BTF3L4: variants seen among roughly 807,000 people sequenced by gnomAD.
BTF3L4 encodes transcription factor BTF3 homolog 4.
BTF3L4 carries 6 observed loss-of-function variants against 16.8 expected under a neutral mutation model. The ratio of observed to expected loss-of-function variants is 0.36; its 90% CI spans 0.20 to 0.71. The LOEUF (loss-of-function observed/expected upper bound fraction) is 0.71, where lower values mean the gene tolerates loss of function less well. BTF3L4 is among the 30% of genes least tolerant of loss of function. The pLI, the probability that BTF3L4 is intolerant of heterozygous loss-of-function variation, is 0.58. For synonymous variants in BTF3L4, 39 were observed against 59.8 expected, an observed-to-expected ratio of 0.65 and a Z score of 1.60; for missense variants, 92 against 186.9, an observed-to-expected ratio of 0.49 and a Z score of 2.96.
At chr1:52,066,663 G>A (rs1455451587) in intron 3 of BTF3L4, among the ~76,000 whole-genome samples, 1 of 150,916 alleles carries the variant, frequency 6.6e-6, no homozygotes, top group East Asian at 2.0e-4. Context: ...CTAACACGGT[G>A]AAACCCCGTC....
chr1:52,086,324 T>C (rs967992569), intron 5 of BTF3L4, 153 bp downstream of exon 5: 2 of 539,634 alleles, frequency 3.7e-6, no homozygotes, highest in African/African-American at 3.9e-5. Context: ...AAAAACAACG[T>C]AAGCACCCAC....
intron 2 of BTF3L4, among the ~76,000 whole-genome samples, chr1:52,063,833 G>T (rs1185203023): frequency 6.6e-6 from 1 of 152,132 alleles, no homozygotes; most frequent in East Asian, 1.9e-4. Flanking sequence ...TCTCTTGTGA[G>T]AATCTGACCC....
Position 52,064,836 on chromosome 1 carries a change from C to T in BTF3L4, c.66C>T (p.Arg22=). ...TGGTTATTTTTCAGGGTACAGCTCG[C>T]AGAAAGAAGAAGGTGGTACATAGAA... ...QVRIGGKGTA[R]RKKKVVHRTA... is the part of the protein sequence containing the mutation. The change falls in exon 3 of 6, where the codon CGC becomes CGT. Residue 22 remains arginine (R), a synonymous_variant. Coordinates refer to ENST00000313334, the MANE Select transcript of BTF3L4 (RefSeq NM_152265.5). The T allele has an allele frequency of 6.2e-7, 1 of 1,608,386 alleles. No homozygotes were observed. Among genetic ancestry groups the T allele is most frequent in the Non-Finnish European group, 8.5e-7 (1 of 1,178,156 alleles).
intron 3 of BTF3L4, among the ~76,000 whole-genome samples, chr1:52,065,760 G>A (rs949879360): frequency 7.2e-5 from 11 of 152,034 alleles, no homozygotes; most frequent in African/African-American, 1.9e-4. Flanking sequence ...TTAGTCAGCC[G>A]GGTGCAGTGG....
intron 3 of BTF3L4, among the ~76,000 whole-genome samples, chr1:52,073,847 A>G (rs1686861699): frequency 6.6e-6 from 1 of 151,762 alleles, no homozygotes; most frequent in Non-Finnish European, 1.5e-5. Context: ...AAAATACAAA[A>G]ATTAGCCGGG....
At chr1:52,061,921 C>T (rs371730326) in intron 2 of BTF3L4, among the ~76,000 whole-genome samples, 1 of 150,020 alleles carries the variant, frequency 6.7e-6, no homozygotes, top group African/African-American at 2.5e-5. Context: ...GGATTACAGG[C>T]GTGAGCCACC....
chr1:52,072,887 C>T (rs1447847956), intron 3 of BTF3L4, among the ~76,000 whole-genome samples: 2 of 152,120 alleles, frequency 1.3e-5, no homozygotes, highest in African/African-American at 4.8e-5. Flanking sequence ...GGTGAAACCC[C>T]ATCTCTGCAA....
intron 4 of BTF3L4, 95 bp downstream of exon 4, chr1:52,083,636 T>C: frequency 2.1e-6 from 2 of 968,472 alleles, no homozygotes; most frequent in Non-Finnish European, 3.1e-6. Flanking sequence ...GATTTGCCTG[T>C]ATGTAATTAT....
chr1:52,086,606 G>T, intron 5 of BTF3L4, 106 bp from the exon 6 acceptor site: 1 of 633,320 alleles, frequency 1.6e-6, no homozygotes, highest in South Asian at 2.3e-5. Flanking sequence ...GGCTAATTCT[G>T]GTTGTACTAA....
At chr1:52,071,159 A>AT (rs1224438463) in intron 3 of BTF3L4, 1 of 152,136 alleles carries the variant, frequency 6.6e-6, no homozygotes, top group Non-Finnish European at 1.5e-5. Context: ...GAAACAACAG[A>AT]TTTTTTCCAG....
chr1:52,064,173 T>G (rs1169644697), intron 2 of BTF3L4, among the ~76,000 whole-genome samples: 1 of 152,250 alleles, frequency 6.6e-6, no homozygotes, highest in Non-Finnish European at 1.5e-5. Context: ...TGTTTCATTC[T>G]GCTTTGATCA....
intron 3 of BTF3L4, chr1:52,065,176 C>A: frequency 3.8e-6 from 1 of 260,946 alleles, no homozygotes; most frequent in Non-Finnish European, 7.2e-6. Context: ...GCGTATATGG[C>A]AAAATTATGT....
At chr1:52,056,583 C>T (rs1242634258) in intron 1 of BTF3L4, among the ~76,000 whole-genome samples, 1 of 152,266 alleles carries the variant, frequency 6.6e-6, no homozygotes, top group East Asian at 1.9e-4. Flanking sequence ...GTCCCCAGCA[C>T]CACCGCCCCC....
intron 1 of BTF3L4, 42 bp from the exon 2 acceptor site, chr1:52,059,793 G>A (rs1045148875): frequency 2.8e-5 from 45 of 1,585,772 alleles, no homozygotes; most frequent in Admixed American, 1.7e-4. Context: ...TGTTAATTTC[G>A]GCAAAAGAGT....
At chr1:52,061,513 G>A (rs541585279) in intron 2 of BTF3L4, among the ~76,000 whole-genome samples, 2 of 149,896 alleles carry the variant, frequency 1.3e-5, no homozygotes, top group Admixed American at 1.3e-4. Context: ...AAAAGAAATA[G>A]GTAAGAGGGT....
Position 52,088,088 on chromosome 1 carries a change from T to A in BTF3L4, c.*1330T>A, listed in dbSNP as rs1178736229. On this transcript the variant is annotated 3_prime_UTR_variant, in exon 6 of 6. Transcript: ENST00000313334. Reference sequence around the variant, plus strand: ...TAATAGAAGCTTACTTTTTGCTATATCAGCATTTGTTACAGCCAATATTTA... The same window carrying A: ...TAATAGAAGCTTACTTTTTGCTATAACAGCATTTGTTACAGCCAATATTTA... The A allele has an allele frequency of 6.6e-6, 1 of 152,640 alleles. No individual in the cohort carries two copies. Among genetic ancestry groups the A allele is most frequent in the Non-Finnish European group, 1.5e-5 (1 of 68,030 alleles). 9.5% of individuals were successfully genotyped at this position (152,640 alleles called of 1,614,324 possible).
At chr1:52,081,823 C>A (rs183793175) in intron 3 of BTF3L4, among the ~76,000 whole-genome samples, 359 of 152,280 alleles carry the variant, frequency 2.4e-3, no homozygotes, top group African/African-American at 8.3e-3. Context: ...GGTTTAGTTA[C>A]AATTTTCCAG....
intron 3 of BTF3L4, among the ~76,000 whole-genome samples, chr1:52,067,214 AAATAAT>A (rs1005933512): frequency 5.9e-5 from 9 of 152,240 alleles, no homozygotes; most frequent in Non-Finnish European, 7.3e-5. Context: ...GTCTGAAAAA[AAATAAT>A]AATAATGTGG....
At chr1:52,060,218 G>A (rs1461591862) in intron 2 of BTF3L4, among the ~76,000 whole-genome samples, 1 of 152,140 alleles carries the variant, frequency 6.6e-6, no homozygotes, top group Non-Finnish European at 1.5e-5. Flanking sequence ...TACATAAGGT[G>A]TTTAAAGATT....
Sources: allele counts gnomAD v4.1 joint callset (sites outside exome capture counted in the v4.1 genomes callset), GRCh38; gene constraint gnomAD v4.1.1; transcripts MANE v1.5; gene names NCBI Gene and HGNC (gene_info 2026-07-23, HGNC 2026-07-21).